The following ARHGAP20 variants were observed in gnomAD, a reference collection of about 807,000 sequenced individuals.
ARHGAP20 encodes the protein rho GTPase-activating protein 20.
A neutral mutation model predicts 73.7 loss-of-function variants in ARHGAP20; 34 were observed. The ratio of observed to expected loss-of-function variants is 0.46; its 90% CI spans 0.35 to 0.61. The LOEUF is 0.61. Among genes scored for constraint, ARHGAP20 ranks in the 20% least tolerant of loss-of-function variants. The pLI is 0.00. For missense variants in ARHGAP20, 1,314 were observed against 1,420.9 expected, an observed-to-expected ratio of 0.92 and a Z score of 1.21; for synonymous variants, 523 against 518.2, an observed-to-expected ratio of 1.01 and a Z score of -0.13.
In ARHGAP20 at chr11:110,583,637, C is replaced by T; in HGVS notation, c.1516G>A (p.Ala506Thr). ...EQHSSSNQMT[A>T]FNLAVCVAPS... Reference sequence around the variant, plus strand: ...GCGACACACACAGCTAAATTAAATGCAGTCATCTGATTGGATGAGGAATGT... The same window carrying T: ...GCGACACACACAGCTAAATTAAATGTAGTCATCTGATTGGATGAGGAATGT... Residue 506 changes from alanine to threonine, a missense_variant, in exon 13 of 15, where the codon GCA (alanine) becomes ACA (threonine). Around this residue, in one of 3 missense-constraint regions of ARHGAP20, gnomAD observed 230 missense variants for 317.6 expected, o/e 0.72. Transcript: ENST00000683387. 1.2e-6 allele frequency: 2 copies of T among 1,613,226 alleles called. No homozygotes were observed. The highest frequency in any genetic ancestry group is 1.7e-6 in the Non-Finnish European group (2 of 1,179,470).
At chr11:110,704,538 A>G (rs932597933) in intron 1 of ARHGAP20, among the ~76,000 whole-genome samples, 1 of 152,070 alleles carries the variant, frequency 6.6e-6, no homozygotes, top group Non-Finnish European at 1.5e-5. Flanking sequence ...GTCCTAGATA[A>G]AGAAAATAAG....
Position 110,704,866 on chromosome 11 carries a change from G to T in ARHGAP20, c.105+7261C>A, listed in dbSNP as rs566206839. Reference sequence around the variant, plus strand: ...CCTTCACTTAAAGTTTACTTTAAAGGTTTATACCAAATGCTCTGAAGACAT... The same window carrying T: ...CCTTCACTTAAAGTTTACTTTAAAGTTTTATACCAAATGCTCTGAAGACAT... On this transcript the variant is annotated intron_variant, in intron 1 of 14. Coordinates refer to ENST00000683387, the MANE Select transcript of ARHGAP20 (RefSeq NM_001384657.1). 3.5e-4 allele frequency among the ~76,000 whole-genome samples: 53 copies of T among 152,122 alleles called. 1 individual carries two copies. In the South Asian group the frequency reaches 7.9e-3, roughly 23 times the overall value.
At chr11:110,605,313 C>T (rs898215078) in intron 9 of ARHGAP20, among the ~76,000 whole-genome samples, 2 of 152,086 alleles carry the variant, frequency 1.3e-5, no homozygotes, top group Admixed American at 6.6e-5. Flanking sequence ...ATGGTGGTTA[C>T]AACTCTTTTT....
chr11:110,591,522 T>C (rs1947828520), intron 10 of ARHGAP20, among the ~76,000 whole-genome samples: 1 of 152,236 alleles, frequency 6.6e-6, no homozygotes, highest in Non-Finnish European at 1.5e-5. Flanking sequence ...CCCAGTGGCT[T>C]TCATCTGACC....
intron 6 of ARHGAP20, 30 bp downstream of exon 6, chr11:110,614,531 A>G (rs1274785531): frequency 6.3e-7 from 1 of 1,578,010 alleles, no homozygotes; most frequent in Admixed American, 1.7e-5. Flanking sequence ...AGGGACTTGG[A>G]ATTTAATTTT....
intron 4 of ARHGAP20, among the ~76,000 whole-genome samples, chr11:110,617,885 A>G (rs962872660): frequency 2.0e-5 from 3 of 152,336 alleles, no homozygotes; most frequent in African/African-American, 7.2e-5. Flanking sequence ...AATAAAATAA[A>G]AAGGGCATGG....
chr11:110,583,409 T>C, intron 13 of ARHGAP20, 139 bp downstream of exon 13: 1 of 728,164 alleles, frequency 1.4e-6, no homozygotes, highest in Non-Finnish European at 2.1e-6. Context: ...CACTTTCCTA[T>C]AGTCTACCAG....
At chr11:110,649,128 C>A (rs537737601) in intron 2 of ARHGAP20, among the ~76,000 whole-genome samples, 1 of 148,970 alleles carries the variant, frequency 6.7e-6, no homozygotes, top group East Asian at 2.0e-4. Flanking sequence ...AAAATAAAAG[C>A]TTTAGATGAC....
At chr11:110,631,572 AAG>A (rs1948861488) in intron 2 of ARHGAP20, among the ~76,000 whole-genome samples, 1 of 152,116 alleles carries the variant, frequency 6.6e-6, no homozygotes, top group East Asian at 1.9e-4. Context: ...GGCCACTGAA[AAG>A]AGAGTGTCTG....
intron 2 of ARHGAP20, among the ~76,000 whole-genome samples, chr11:110,664,557 T>A (rs933820118): frequency 1.3e-5 from 2 of 151,734 alleles, no homozygotes; most frequent in Non-Finnish European, 1.5e-5. Context: ...TGAAACCCCA[T>A]CTCTACCAAA....
At chr11:110,652,071 A>T (rs1180227525) in intron 2 of ARHGAP20, among the ~76,000 whole-genome samples, 2 of 151,664 alleles carry the variant, frequency 1.3e-5, no homozygotes, top group Non-Finnish European at 2.9e-5. Context: ...CTGGGATGCA[A>T]GGCTGATTCA....
chr11:110,635,761 C>T (rs1948953833), intron 2 of ARHGAP20, among the ~76,000 whole-genome samples: 1 of 150,566 alleles, frequency 6.6e-6, no homozygotes, highest in African/African-American at 2.4e-5. Flanking sequence ...AAGCAGAGAA[C>T]AAAGAAAAGG....
At chr11:110,604,036 T>C (rs1403859225) in intron 9 of ARHGAP20, among the ~76,000 whole-genome samples, 1 of 152,194 alleles carries the variant, frequency 6.6e-6, no homozygotes, top group Non-Finnish European at 1.5e-5. Flanking sequence ...ATTGTTGTTA[T>C]ATTTTGAATT....
At chr11:110,608,930 A>G (rs373571751) in intron 8 of ARHGAP20, 54 bp downstream of exon 8, 3 of 1,468,374 alleles carry the variant, frequency 2.0e-6, no homozygotes, top group East Asian at 2.3e-5. Context: ...GGAGACACTT[A>G]GAATTATAAT....
chr11:110,685,052 TA>T, intron 2 of ARHGAP20, among the ~76,000 whole-genome samples: 1 of 151,978 alleles, frequency 6.6e-6, no homozygotes, highest in Non-Finnish European at 1.5e-5. Flanking sequence ...CCCCTGAATC[TA>T]AAATTTAAAA....
chr11:110,611,429 T>C, intron 6 of ARHGAP20, 43 bp from the exon 7 acceptor site: 1 of 1,039,126 alleles, frequency 9.6e-7, no homozygotes, highest in Non-Finnish European at 1.4e-6. Context: ...AATAATGAAT[T>C]TTAAAACAGG....
At chr11:110,655,017 T>C (rs1949434721) in intron 2 of ARHGAP20, among the ~76,000 whole-genome samples, 1 of 152,206 alleles carries the variant, frequency 6.6e-6, no homozygotes, top group Non-Finnish European at 1.5e-5. Context: ...CATGGTGAGT[T>C]AGTATTCCAT....
chr11:110,711,724 CA>C, intron 1 of ARHGAP20: 1 of 1,404,452 alleles, frequency 7.1e-7, no homozygotes, highest in Non-Finnish European at 9.2e-7. Flanking sequence ...CTGACACCGC[CA>C]AAGGGCAGTC....
At position 110,622,502 on chromosome 11, in the gene ARHGAP20, C is replaced by T. The variant is rs561733978; in HGVS notation, c.503+1660G>A. On this transcript the variant is annotated intron_variant, in intron 4 of 14. Coordinates refer to ENST00000683387, the MANE Select transcript of ARHGAP20 (RefSeq NM_001384657.1). ...CAAAACTAAGAAACCAATATTAGTA[C>T]ATTACTATCAAACTCTTGACTTATT... is the stretch of plus-strand genomic sequence containing the variant. Among the ~76,000 whole-genome samples, 22 of 152,284 alleles carry T rather than the reference C, an allele frequency of 1.4e-4. No homozygotes were observed. The South Asian group carries it at 4.4e-3, about 30-fold the overall frequency.
Sources: gnomAD v4.1 joint callset for allele counts (sites outside exome capture counted in the v4.1 genomes callset) on GRCh38, gnomAD v4.1.1 for gene constraint, gnomAD v4.1.1 regional missense constraint, MANE v1.5 for transcripts, NCBI Gene and HGNC (gene_info 2026-07-23, HGNC 2026-07-21) for gene names.